The following PRKD3 variants were observed in gnomAD, a reference collection of about 807,000 sequenced individuals.
PRKD3 encodes the protein serine/threonine-protein kinase D3.
PRKD3 carries 47 observed loss-of-function variants against 99.2 expected under a neutral mutation model. The ratio of observed to expected loss-of-function variants is 0.47; its 90% CI spans 0.38 to 0.60. The LOEUF (loss-of-function observed/expected upper bound fraction) is 0.60, where lower values mean the gene tolerates loss of function less well. Among genes scored for constraint, PRKD3 ranks in the 20% least tolerant of loss-of-function variants. The probability of loss-of-function intolerance (pLI) is 0.00; values close to 1 mark genes in which losing one functional copy is unlikely to be tolerated. For missense variants in PRKD3, 1,019 were observed against 1,088.4 expected (o/e 0.94, Z 0.90); for synonymous variants, 392 against 355.4 (o/e 1.10, Z -1.16).
intron 2 of PRKD3, among the ~76,000 whole-genome samples, chr2:37,312,199 T>G (rs941112711): frequency 2.6e-5 from 4 of 152,018 alleles, no homozygotes; most frequent in African/African-American, 9.7e-5. Flanking sequence ...GTTAAGATTT[T>G]GTTGGGAAAA....
At chr2:37,260,473 ACAGAAAGAAAG>A in intron 14 of PRKD3, 89 bp from the exon 15 acceptor site, 1 of 1,194,072 alleles carries the variant, frequency 8.4e-7, no homozygotes, top group South Asian at 1.3e-5. Flanking sequence ...CTGAAATGGC[ACAGAAAGAAAG>A]CCTAGAGAAG....
chr2:37,312,192 A>G (rs751948235), intron 2 of PRKD3, among the ~76,000 whole-genome samples: 4 of 152,088 alleles, frequency 2.6e-5, no homozygotes, highest in Non-Finnish European at 5.9e-5. Flanking sequence ...CAGACTGGTT[A>G]AGATTTTGTT....
intron 5 of PRKD3, 88 bp downstream of exon 5, chr2:37,289,268 T>A: frequency 7.1e-7 from 1 of 1,407,880 alleles, no homozygotes; most frequent in South Asian, 1.4e-5. Flanking sequence ...CTTTAGCATA[T>A]AAATTATGTT....
At chr2:37,303,155 A>G (rs1671011269) in intron 2 of PRKD3, among the ~76,000 whole-genome samples, 1 of 152,006 alleles carries the variant, frequency 6.6e-6, no homozygotes, top group South Asian at 2.1e-4. Flanking sequence ...TGGCCTGACT[A>G]TCGGGAAGAG....
chr2:37,324,299 T>C, intron 1 of PRKD3: 1 of 871,302 alleles, frequency 1.1e-6, no homozygotes, highest in Non-Finnish European at 1.4e-6. Context: ...GGAACTAGTT[T>C]GGGAGACCCG....
At chr2:37,280,730 A>G (rs565033366) in intron 7 of PRKD3, among the ~76,000 whole-genome samples, 11 of 152,332 alleles carry the variant, frequency 7.2e-5, no homozygotes, top group East Asian at 1.9e-4. Flanking sequence ...CACCAAAAAG[A>G]TAAGTGACAA....
At chr2:37,297,113 A>G (rs892395824) in intron 2 of PRKD3, among the ~76,000 whole-genome samples, 1 of 152,026 alleles carries the variant, frequency 6.6e-6, no homozygotes, top group African/African-American at 2.4e-5. Context: ...GATTTTGAAA[A>G]ATTCAGAAAA....
intron 5 of PRKD3, among the ~76,000 whole-genome samples, chr2:37,287,340 A>G (rs574863837): frequency 2.7e-5 from 4 of 150,394 alleles, no homozygotes; most frequent in Non-Finnish European, 4.4e-5. Flanking sequence ...CTCTTCTCCA[A>G]CCAGTTGTTT....
Position 37,274,599 on chromosome 2 carries a change from A to G in PRKD3, c.1473T>C (p.Asp491=). The G allele has an allele frequency of 6.2e-7, 1 of 1,614,150 alleles. No homozygotes were observed. The highest frequency in any genetic ancestry group is 8.5e-7 in the Non-Finnish European group (1 of 1,179,962). Residue 491 remains aspartate (D), a synonymous_variant, in exon 11 of 19, where the codon GAT becomes GAC. Coordinates refer to ENST00000234179, the MANE Select transcript of PRKD3 (RefSeq NM_005813.6). Reference sequence around the variant, plus strand: ...TCTCACCAACGAAGTATACCATAGTATCAGTAATGATTTCAAAACAGTGTG... The same window carrying G: ...TCTCACCAACGAAGTATACCATAGTGTCAGTAATGATTTCAAAACAGTGTG... ...SNPHCFEIIT[D]TMVYFVGENN...
intron 2 of PRKD3, among the ~76,000 whole-genome samples, chr2:37,296,279 T>C (rs1325204570): frequency 1.3e-5 from 2 of 151,972 alleles, no homozygotes; most frequent in East Asian, 1.9e-4. Context: ...AAAAAATAAA[T>C]ATAACCTTCT....
At chr2:37,267,587 T>C (rs750641615) in intron 13 of PRKD3, 51 bp from the exon 14 acceptor site, 2 of 1,303,944 alleles carry the variant, frequency 1.5e-6, no homozygotes, top group Admixed American at 1.8e-5. Context: ...ACAGCTTTAT[T>C]AGGGAGTTGT....
chr2:37,309,301 G>T (rs1052784660), intron 2 of PRKD3, among the ~76,000 whole-genome samples: 2 of 152,090 alleles, frequency 1.3e-5, no homozygotes, highest in African/African-American at 4.8e-5. Flanking sequence ...GACATCAAAA[G>T]ATCTTATACA....
chr2:37,313,146 T>C (rs1671511260), intron 2 of PRKD3, among the ~76,000 whole-genome samples: 1 of 152,140 alleles, frequency 6.6e-6, no homozygotes, highest in South Asian at 2.1e-4. Flanking sequence ...AACAGTAGTA[T>C]TTTAGGCTTG....
In PRKD3 at chr2:37,316,648, T is replaced by C. The variant is rs1021486062; in HGVS notation, c.-124A>G. ...TGGATTTAGTTGAAAACTTCTTTAT[T>C]TCCTCTGTTAAGCCACTCATGCCGA... On this transcript the variant is annotated 5_prime_UTR_variant, in exon 2 of 19. Coordinates refer to ENST00000234179, the MANE Select transcript of PRKD3 (RefSeq NM_005813.6). The C allele has an allele frequency of 2.7e-6, 4 of 1,465,998 alleles. No individual in the cohort carries two copies. The African/African-American group carries it at 5.7e-5, about 21-fold the overall frequency. The allele number at this position is 1,465,998 out of a possible 1,614,324, so 90.8% of individuals were successfully genotyped here.
At chr2:37,261,843 G>C (rs920232292) in intron 14 of PRKD3, among the ~76,000 whole-genome samples, 7 of 151,982 alleles carry the variant, frequency 4.6e-5, no homozygotes, top group Non-Finnish European at 1.0e-4. Context: ...TTTTTCAACT[G>C]TAGAATGGTA....
intron 2 of PRKD3, among the ~76,000 whole-genome samples, chr2:37,303,932 A>AT (rs1375922661): frequency 6.6e-6 from 1 of 152,200 alleles, no homozygotes; most frequent in Non-Finnish European, 1.5e-5. Context: ...AAGATACAGA[A>AT]TATTATCAGC....
Position 37,316,404 on chromosome 2 carries a change from A to G in PRKD3, c.121T>C (p.Ser41Pro), listed in dbSNP as rs1478144666. Residue 41 changes from serine (S) to proline (P), a missense_variant, in exon 2 of 19, where the codon TCT (serine) becomes CCT (proline). Physicochemically the swap from Ser to Pro is moderately conservative, Grantham distance 74. This residue lies in a region of PRKD3 where 710 missense variants were observed against 692.7 expected (regional missense o/e 1.02). Transcript: ENST00000234179. The part of the protein sequence containing the change: ...SPKTGLSARL[S>P]NGSFSAPSLT... The stretch of plus-strand genomic sequence containing the variant: ...GATGGTGCACTGAAGCTTCCATTAG[A>G]GAGTCGGGCAGAGAGTCCCGTCTTA... 1.2e-6 allele frequency: 2 copies of G among 1,614,176 alleles called. No homozygotes were observed. The highest frequency in any genetic ancestry group is 3.3e-5 in the Admixed American group (2 of 60,026).
At chr2:37,299,101 T>C (rs915593616) in intron 2 of PRKD3, among the ~76,000 whole-genome samples, 1 of 152,210 alleles carries the variant, frequency 6.6e-6, no homozygotes, top group Non-Finnish European at 1.5e-5. Context: ...GTTCCTTCTA[T>C]ACCTAGTTTG....
rs547387396 is a variant in PRKD3 at position 37,251,527 on chromosome 2, A to G, written c.*1650T>C. On this transcript the variant is annotated 3_prime_UTR_variant, in exon 19 of 19. Transcript: ENST00000234179. ...GGAGTACTGCATACTGTTTGCTACT[A>G]TTCTTTCAAGGATATTTTTAGTCTA... The G allele has an allele frequency of 2.9e-4, 44 of 152,524 alleles. No individual in the cohort carries two copies. The highest frequency in any genetic ancestry group is 1.8e-4 in the Non-Finnish European group (12 of 68,020). The allele number at this position is 152,524 out of a possible 1,614,324, so 9.4% of individuals were successfully genotyped here.
Sources: gnomAD v4.1 joint callset for allele counts (sites outside exome capture counted in the v4.1 genomes callset) on GRCh38, gnomAD v4.1.1 for gene constraint, gnomAD v4.1.1 regional missense constraint, MANE v1.5 for transcripts, NCBI Gene and HGNC (gene_info 2026-07-23, HGNC 2026-07-21) for gene names.